CDH18: variants seen among roughly 807,000 people sequenced by gnomAD.
CDH18 encodes the protein cadherin-18.
A neutral mutation model predicts 67.9 loss-of-function variants in CDH18; 31 were observed. The ratio of observed to expected loss-of-function variants is 0.46; its 90% CI spans 0.34 to 0.62. The LOEUF (loss-of-function observed/expected upper bound fraction) is 0.62. Among genes scored for constraint, CDH18 ranks in the 20% least tolerant of loss-of-function variants. CDH18 has a pLI of 0.01. For missense variants in CDH18, 890 were observed against 975.5 expected, an observed-to-expected ratio of 0.91 and a Z score of 1.17; for synonymous variants, 362 against 347.2, an observed-to-expected ratio of 1.04 and a Z score of -0.48.
At chr5:20,387,858 C>A in intron 1 of CDH18, among the ~76,000 whole-genome samples, 1 of 152,036 alleles carries the variant, frequency 6.6e-6, no homozygotes, top group African/African-American at 2.4e-5. Context: ...TGTTTATATG[C>A]TGGATTATGT....
intron 1 of CDH18, among the ~76,000 whole-genome samples, chr5:20,439,474 C>T (rs1161783784): frequency 6.6e-6 from 1 of 151,530 alleles, no homozygotes; most frequent in Non-Finnish European, 1.5e-5. Context: ...TACACATGCA[C>T]ACACCGTTTC....
At chr5:19,637,132 C>T (rs1278289485) in intron 5 of CDH18, among the ~76,000 whole-genome samples, 1 of 151,148 alleles carries the variant, frequency 6.6e-6, no homozygotes, top group African/African-American at 2.4e-5. Flanking sequence ...CTTTTTCTTT[C>T]TCTTTCTTTC....
intron 2 of CDH18, among the ~76,000 whole-genome samples, chr5:20,071,953 C>T (rs1236285467): frequency 6.6e-6 from 1 of 152,042 alleles, no homozygotes; most frequent in African/African-American, 2.4e-5. Context: ...GAGACCTACA[C>T]CTTTGGTGAG....
chr5:20,146,617 T>TAA, intron 2 of CDH18, among the ~76,000 whole-genome samples: 1 of 145,766 alleles, frequency 6.9e-6, no homozygotes, highest in Non-Finnish European at 1.5e-5. Flanking sequence ...ACTAATTTTG[T>TAA]AAAAAAAAAA....
intron 2 of CDH18, among the ~76,000 whole-genome samples, chr5:20,213,932 T>G (rs1740555464): frequency 6.6e-6 from 1 of 152,028 alleles, no homozygotes; most frequent in Non-Finnish European, 1.5e-5. Context: ...AGTCAAACTA[T>G]CCTTGTTTGC....
chr5:20,260,699 A>ATTACG (rs1312512941), intron 1 of CDH18, among the ~76,000 whole-genome samples: 1 of 152,158 alleles, frequency 6.6e-6, no homozygotes, highest in Non-Finnish European at 1.5e-5. Flanking sequence ...ATGATGGTAC[A>ATTACG]TTATGTTATG....
intron 1 of CDH18, among the ~76,000 whole-genome samples, chr5:20,287,257 G>T (rs1161596393): frequency 6.6e-6 from 1 of 151,604 alleles, no homozygotes; most frequent in Admixed American, 6.6e-5. Context: ...ATCTTAATTG[G>T]AATTGATCCA....
At chr5:19,738,547 T>C (rs983398988) in intron 4 of CDH18, among the ~76,000 whole-genome samples, 2 of 152,360 alleles carry the variant, frequency 1.3e-5, no homozygotes, top group Non-Finnish European at 2.9e-5. Context: ...GGCTATCATA[T>C]TTTTTAAAAC....
chr5:20,163,891 A>G (rs1240030957), intron 2 of CDH18, among the ~76,000 whole-genome samples: 2 of 152,230 alleles, frequency 1.3e-5, no homozygotes, highest in Non-Finnish European at 2.9e-5. Context: ...ATAAATATTG[A>G]CATTTGCACA....
At chr5:20,465,705 A>G (rs1304382292) in intron 1 of CDH18, among the ~76,000 whole-genome samples, 3 of 152,038 alleles carry the variant, frequency 2.0e-5, no homozygotes, top group African/African-American at 7.2e-5. Context: ...TGTTTATGCA[A>G]TCTGAGTGAA....
chr5:19,630,253 T>G (rs1752229898), intron 5 of CDH18, among the ~76,000 whole-genome samples: 1 of 152,096 alleles, frequency 6.6e-6, no homozygotes, highest in Non-Finnish European at 1.5e-5. Context: ...GGATGTAGAT[T>G]TTTTAAATTT....
chr5:19,846,077 A>G (rs1782909966), intron 2 of CDH18, among the ~76,000 whole-genome samples: 1 of 151,774 alleles, frequency 6.6e-6, no homozygotes, highest in South Asian at 2.1e-4. Flanking sequence ...AGCTATTTTT[A>G]TCCCTGTTTT....
chr5:20,480,494 T>G (rs1752719635), intron 1 of CDH18, among the ~76,000 whole-genome samples: 1 of 152,032 alleles, frequency 6.6e-6, no homozygotes, highest in Non-Finnish European at 1.5e-5. Context: ...CCTAGCTCAC[T>G]GCAGCCTGTG....
intron 8 of CDH18, among the ~76,000 whole-genome samples, chr5:19,566,630 A>G (rs347707): frequency 0.91 from 138,053 of 152,050 alleles, 63,087 homozygotes; most frequent in Non-Finnish European, 0.97. Flanking sequence ...AACACTATGG[A>G]GGAAACCGCC....
chr5:19,593,707 C>CCTTCTTCTT lies in CDH18; in HGVS notation c.812-2472_812-2464dup, dbSNP rs1554054958. Among the ~76,000 whole-genome samples the CCTTCTTCTT allele has an allele frequency of 6.9e-3, 229 of 33,308 alleles. 7 individuals are homozygous for CCTTCTTCTT. Among genetic ancestry groups the CCTTCTTCTT allele is most frequent in the African/African-American group, 0.015 (130 of 8,562 alleles). The allele number at this position is 33,308 out of a possible 152,430, so 21.9% of individuals were successfully genotyped here. Reference sequence around the variant, plus strand: ...TCCTTCTCTTCCTCTTCCTCCTCCTCCTTCTTCTTCTTCTTCTTCTTCTTC... The same window carrying CCTTCTTCTT: ...TCCTTCTCTTCCTCTTCCTCCTCCTCCTTCTTCTTCTTCTTCTTCTTCTTCTTCTTCTTC... On this transcript the variant is annotated intron_variant, in intron 6 of 12. Transcript: ENST00000382275.
At chr5:20,013,794 G>GT (rs1274891264) in intron 2 of CDH18, among the ~76,000 whole-genome samples, 1 of 151,934 alleles carries the variant, frequency 6.6e-6, no homozygotes, top group Non-Finnish European at 1.5e-5. Context: ...CCATATTATC[G>GT]TAAGTGTATT....
chr5:20,122,798 T>A (rs980851038), intron 2 of CDH18, among the ~76,000 whole-genome samples: 10 of 148,054 alleles, frequency 6.8e-5, no homozygotes, highest in Middle Eastern at 9.2e-3. Context: ...TCTAATTCGA[T>A]ATGAATACAA....
intron 1 of CDH18, among the ~76,000 whole-genome samples, chr5:20,389,565 A>G (rs1744648092): frequency 6.6e-6 from 1 of 152,048 alleles, no homozygotes. Context: ...ATACTGCCCA[A>G]GGTAATTTAT....
intron 8 of CDH18, among the ~76,000 whole-genome samples, chr5:19,564,429 C>T (rs1328697355): frequency 6.6e-6 from 1 of 151,934 alleles, no homozygotes; most frequent in Non-Finnish European, 1.5e-5. Flanking sequence ...ATCCTGAGGC[C>T]CTAGCTCTCA....
Sources: gnomAD v4.1 joint callset for allele counts (sites outside exome capture counted in the v4.1 genomes callset) on GRCh38, gnomAD v4.1.1 for gene constraint, MANE v1.5 for transcripts, NCBI Gene and HGNC (gene_info 2026-07-23, HGNC 2026-07-21) for gene names.